VMP1: variants seen among roughly 807,000 people sequenced by gnomAD.
The protein encoded by VMP1 is ectopic P-granules autophagy protein 3 homolog.
In VMP1, 11 loss-of-function variants were observed where a neutral mutation model predicts 56.0. The ratio of observed to expected loss-of-function variants is 0.20; its 90% CI spans 0.12 to 0.32. The LOEUF is 0.32. Ranked by LOEUF, VMP1 falls within the 10% of genes least tolerant of loss-of-function variation. The pLI is 1.00. For synonymous variants in VMP1, 149 were observed against 165.0 expected, an observed-to-expected ratio of 0.90 and a Z score of 0.74; for missense variants, 296 against 490.3, an observed-to-expected ratio of 0.60 and a Z score of 3.74.
At chr17:59,727,131 G>T (rs1049335535) in intron 1 of VMP1, among the ~76,000 whole-genome samples, 7 of 139,376 alleles carry the variant, frequency 5.0e-5, no homozygotes, top group Admixed American at 2.1e-4. Flanking sequence ...TAGACTTTTT[G>T]TTTTTTTTTG....
chr17:59,809,652 G>A (rs1371610468), intron 8 of VMP1, among the ~76,000 whole-genome samples: 2 of 149,034 alleles, frequency 1.3e-5, no homozygotes, highest in Non-Finnish European at 3.0e-5. Context: ...GACTACAGGC[G>A]CCCGCCACTA....
At chr17:59,730,447 G>A (rs2143797509) in intron 1 of VMP1, among the ~76,000 whole-genome samples, 1 of 152,096 alleles carries the variant, frequency 6.6e-6, no homozygotes, top group Non-Finnish European at 1.5e-5. Context: ...TTTATCTTAT[G>A]TAGGATGGGA....
chr17:59,738,887 C>G lies in VMP1; in HGVS notation c.354C>G (p.Gly118=). The G allele has an allele frequency of 6.2e-7, 1 of 1,613,056 alleles. No homozygotes were observed. The highest frequency in any genetic ancestry group is 1.1e-5 in the South Asian group (1 of 90,950). Reference sequence around the variant, plus strand: ...TTCTTTTGTATGCCTACTGGATAGGCTTAGGAATTTTGTCTTCTGTTGGGC... The same window carrying G: ...TTCTTTTGTATGCCTACTGGATAGGGTTAGGAATTTTGTCTTCTGTTGGGC... The part of the protein sequence containing the change: ...KQFLLYAYWI[G]LGILSSVGLG... Residue 118 remains glycine (G), a synonymous_variant, in exon 5 of 12, where the codon GGC becomes GGG. Transcript: ENST00000262291.
intron 1 of VMP1, among the ~76,000 whole-genome samples, chr17:59,709,111 A>G (rs2033805002): frequency 1.3e-5 from 2 of 152,016 alleles, no homozygotes; most frequent in African/African-American, 4.8e-5. Context: ...CAGTTTACAT[A>G]TTTTTCTTAT....
intron 8 of VMP1, among the ~76,000 whole-genome samples, chr17:59,810,916 A>G (rs374978824): frequency 6.6e-6 from 1 of 152,232 alleles, no homozygotes; most frequent in East Asian, 1.9e-4. Flanking sequence ...TTGCATTTTT[A>G]CATGAAATGT....
chr17:59,767,292 A>C (rs1363097805), intron 6 of VMP1, among the ~76,000 whole-genome samples: 1 of 152,174 alleles, frequency 6.6e-6, no homozygotes, highest in African/African-American at 2.4e-5. Flanking sequence ...AAACACAGTT[A>C]AGTGTTAGCA....
At chr17:59,832,414 T>C (rs1329994891) in intron 10 of VMP1, among the ~76,000 whole-genome samples, 12 of 151,652 alleles carry the variant, frequency 7.9e-5, no homozygotes. Flanking sequence ...CCCAACCTAC[T>C]TCTTTTTTTG....
chr17:59,793,511 G>A (rs562570446), intron 7 of VMP1, among the ~76,000 whole-genome samples: 3 of 117,154 alleles, frequency 2.6e-5, no homozygotes, highest in Admixed American at 1.8e-4. Flanking sequence ...TACAGAGTCC[G>A]TTCTTATTTC....
At chr17:59,717,842 C>A (rs568311127) in intron 1 of VMP1, among the ~76,000 whole-genome samples, 2 of 152,158 alleles carry the variant, frequency 1.3e-5, no homozygotes, top group African/African-American at 4.8e-5. Context: ...ATTACTTGAA[C>A]CTGGGAGGTG....
intron 7 of VMP1, among the ~76,000 whole-genome samples, chr17:59,782,052 G>A (rs1316268861): frequency 6.6e-6 from 1 of 152,054 alleles, no homozygotes; most frequent in Non-Finnish European, 1.5e-5. Flanking sequence ...AGGATTACAG[G>A]CACATGTCAC....
chr17:59,811,788 T>A lies in VMP1; in HGVS notation c.912+2T>A. 1.3e-6 allele frequency: 2 copies of A among 1,578,088 alleles called. No homozygotes were observed. Among genetic ancestry groups the A allele is most frequent in the Admixed American group, 1.7e-5 (1 of 59,900 alleles). ...GCAATAATAAAAATGCATATCCAGG[T>A]AATTATACCCCCTGATTCACTGCCT... On this transcript the variant is annotated splice_donor_variant, in intron 9 of 11. Coordinates refer to ENST00000262291, the MANE Select transcript of VMP1 (RefSeq NM_030938.5). LOFTEE classifies it high-confidence loss of function.
At chr17:59,838,532 G>A (rs2039058016) in intron 11 of VMP1, 135 bp downstream of exon 11, 1 of 804,106 alleles carries the variant, frequency 1.2e-6, no homozygotes, top group African/African-American at 1.7e-5. Flanking sequence ...TTGAGCGTCT[G>A]TGTATGCTCT....
intron 1 of VMP1, among the ~76,000 whole-genome samples, chr17:59,722,831 T>C (rs2034452007): frequency 6.6e-6 from 1 of 152,140 alleles, no homozygotes; most frequent in Admixed American, 6.6e-5. Flanking sequence ...CAGTGAGCTG[T>C]GATTGCTCTA....
At chr17:59,746,565 G>C (rs1176287940) in intron 5 of VMP1, among the ~76,000 whole-genome samples, 2 of 152,166 alleles carry the variant, frequency 1.3e-5, no homozygotes, top group Non-Finnish European at 2.9e-5. Context: ...AAAAGTTACT[G>C]TTTATTTGAT....
chr17:59,754,077 A>G (rs2035751794), intron 5 of VMP1, among the ~76,000 whole-genome samples: 1 of 152,178 alleles, frequency 6.6e-6, no homozygotes, highest in Non-Finnish European at 1.5e-5. Context: ...GCCCCTGTGT[A>G]AGATTCAGAG....
Position 59,730,579 on chromosome 17 carries a change from A to G in VMP1, c.-26-842A>G, listed in dbSNP as rs1432730577. Among the ~76,000 whole-genome samples the G allele has an allele frequency of 2.0e-5, 3 of 152,188 alleles. 1 individual carries two copies. Among genetic ancestry groups the G allele is most frequent in the Non-Finnish European group, 1.5e-5 (1 of 68,024 alleles). On this transcript the variant is annotated intron_variant, in intron 1 of 11. Coordinates refer to ENST00000262291, the MANE Select transcript of VMP1 (RefSeq NM_030938.5). ...TGCACCCGGCCCCAGTTGTCTTTTT[A>G]TAAGTGTCTGGGCAAGTTTTAATAT... is the stretch of plus-strand genomic sequence containing the variant.
chr17:59,760,397 A>C (rs1162736171), intron 5 of VMP1, among the ~76,000 whole-genome samples: 2 of 152,066 alleles, frequency 1.3e-5, no homozygotes, highest in Non-Finnish European at 2.9e-5. Flanking sequence ...CCTAGCTCCC[A>C]GATTCACAGG....
At chr17:59,735,692 G>T in intron 3 of VMP1, 1 of 489,270 alleles carries the variant, frequency 2.0e-6, no homozygotes, top group African/African-American at 1.9e-5. Context: ...GATTATCACA[G>T]TTGTCCACTG....
intron 1 of VMP1, among the ~76,000 whole-genome samples, chr17:59,720,143 A>C (rs1211584981): frequency 6.6e-6 from 1 of 152,184 alleles, no homozygotes; most frequent in East Asian, 1.9e-4. Flanking sequence ...ACATTTCAAC[A>C]TTTTAAACAG....
Sources: gnomAD v4.1 joint callset for allele counts (sites outside exome capture counted in the v4.1 genomes callset) on GRCh38, gnomAD v4.1.1 for gene constraint, MANE v1.5 for transcripts, NCBI Gene and HGNC (gene_info 2026-07-23, HGNC 2026-07-21) for gene names.